Variants in FRMD3 observed in about 807,000 individuals in gnomAD.
The protein encoded by FRMD3 is FERM domain-containing protein 3.
FRMD3 carries 33 observed loss-of-function variants against 70.2 expected under a neutral mutation model. The observed-to-expected ratio is 0.47, with a 90% CI of 0.36 to 0.63. The LOEUF (loss-of-function observed/expected upper bound fraction) is 0.63, where lower values mean the gene tolerates loss of function less well. FRMD3 is among the 20% of genes least tolerant of loss of function. FRMD3 has a pLI of 0.00. For synonymous variants in FRMD3, 279 were observed against 255.9 expected, an observed-to-expected ratio of 1.09 and a Z score of -0.86; for missense variants, 632 against 711.4, an observed-to-expected ratio of 0.89 and a Z score of 1.27.
At chr9:83,543,597 C>T in the FRMD3 span, among the ~76,000 whole-genome samples, 1 of 152,154 alleles carries the variant, frequency 6.6e-6, no homozygotes, top group Non-Finnish European at 1.5e-5. Context: ...AGACATCCCT[C>T]AGCACCCACT....
At chr9:83,352,846 A>G (rs559480645) in intron 3 of FRMD3, among the ~76,000 whole-genome samples, 5 of 152,230 alleles carry the variant, frequency 3.3e-5, no homozygotes, top group African/African-American at 1.2e-4. Context: ...TGAGTTTACA[A>G]TAGGCCCACA....
intron 1 of FRMD3, among the ~76,000 whole-genome samples, chr9:83,517,732 T>C (rs531367551): frequency 6.6e-6 from 1 of 152,028 alleles, no homozygotes; most frequent in African/African-American, 2.4e-5. Context: ...GATGCGAAAA[T>C]CCTCAATAAA....
chr9:83,349,999 A>G (rs919964490), intron 3 of FRMD3, among the ~76,000 whole-genome samples: 1 of 152,226 alleles, frequency 6.6e-6, no homozygotes, highest in African/African-American at 2.4e-5. Context: ...CAACCCAGTC[A>G]GTGAGCTCAT....
At chr9:83,392,837 A>G (rs148426750) in intron 1 of FRMD3, among the ~76,000 whole-genome samples, 1 of 152,324 alleles carries the variant, frequency 6.6e-6, no homozygotes, top group African/African-American at 2.4e-5. Context: ...GATTTCAAGT[A>G]AAAGGATTTC....
the FRMD3 span, among the ~76,000 whole-genome samples, chr9:83,544,313 T>C: frequency 6.6e-6 from 1 of 152,096 alleles, no homozygotes; most frequent in African/African-American, 2.4e-5. Context: ...GAGGAGACCT[T>C]TGTGCATTTC....
chr9:83,560,792 G>C, the FRMD3 span, among the ~76,000 whole-genome samples: 1 of 152,130 alleles, frequency 6.6e-6, no homozygotes, highest in Non-Finnish European at 1.5e-5. Flanking sequence ...TGCCTCTTCT[G>C]TCTTCCCATT....
chr9:83,431,575 G>T (rs761504477), intron 1 of FRMD3, among the ~76,000 whole-genome samples: 1 of 149,908 alleles, frequency 6.7e-6, no homozygotes, highest in Non-Finnish European at 1.5e-5. Context: ...TAAGTTTAGC[G>T]TTTTTTTTTA....
chr9:83,554,923 C>A, the FRMD3 span, among the ~76,000 whole-genome samples: 3 of 152,130 alleles, frequency 2.0e-5, no homozygotes, highest in Non-Finnish European at 2.9e-5. Flanking sequence ...CTGGGATTTT[C>A]TAGAACCTCG....
Position 83,244,860 on chromosome 9 carries a change from A to G in FRMD3, c.*3058T>C. The G allele has an allele frequency of 4.1e-6, 4 of 984,496 alleles. No homozygotes were observed. The South Asian group carries it at 1.4e-4, about 35-fold the overall frequency. The allele number at this position is 984,496 out of a possible 1,614,324, so 61.0% of individuals were successfully genotyped here. A position where few individuals can be genotyped will look rare whatever the true frequency, so the allele number is the denominator to read the frequency against. On this transcript the variant is annotated 3_prime_UTR_variant, in exon 14 of 14. Transcript: ENST00000304195. The stretch of plus-strand genomic sequence containing the variant: ...TATTCCAAATACATAACATTTTACA[A>G]TATTTTTCAAGCACAGACAAATACA...
intron 2 of FRMD3, among the ~76,000 whole-genome samples, chr9:83,381,730 C>T (rs1825363063): frequency 6.6e-6 from 1 of 152,018 alleles, no homozygotes; most frequent in Non-Finnish European, 1.5e-5. Context: ...TAAAAAAAAG[C>T]ATTTGTGTCC....
intron 3 of FRMD3, among the ~76,000 whole-genome samples, chr9:83,361,406 T>C (rs1204565420): frequency 6.6e-6 from 1 of 152,132 alleles, no homozygotes; most frequent in East Asian, 1.9e-4. Context: ...GACAAGTAGG[T>C]TATACGAATG....
chr9:83,312,094 T>C, intron 7 of FRMD3, 119 bp from the exon 8 acceptor site: 3 of 723,356 alleles, frequency 4.1e-6, no homozygotes, highest in South Asian at 1.9e-5. Context: ...ATCCCAATGA[T>C]TGTAGCAATA....
At chr9:83,315,183 A>G (rs1835517975) in intron 6 of FRMD3, among the ~76,000 whole-genome samples, 1 of 152,082 alleles carries the variant, frequency 6.6e-6, no homozygotes, top group East Asian at 1.9e-4. Flanking sequence ...CTTCATTTCT[A>G]TTAAGGTCCA....
Position 83,512,305 on chromosome 9 carries a change from G to T in FRMD3, c.147+25780C>A, listed in dbSNP as rs796173075. On this transcript the variant is annotated intron_variant, in intron 1 of 13. Transcript: ENST00000304195. The stretch of plus-strand genomic sequence containing the variant: ...CTGGGGATATTCTAGACACTGGGGT[G>T]CAGGAACATCCCTGCCTTCATGGAG... Among the ~76,000 whole-genome samples the T allele has an allele frequency of 3.5e-4, 53 of 152,292 alleles. 1 individual carries two copies. The highest frequency in any genetic ancestry group is 1.2e-3 in the African/African-American group (51 of 41,548).
chr9:83,371,530 T>C (rs546196222), intron 3 of FRMD3, among the ~76,000 whole-genome samples: 33 of 152,332 alleles, frequency 2.2e-4, no homozygotes, highest in African/African-American at 7.5e-4. Flanking sequence ...TTGGCCAGGA[T>C]GGTCTCAATC....
chr9:83,333,771 G>A (rs1823475786), intron 6 of FRMD3, among the ~76,000 whole-genome samples: 1 of 152,134 alleles, frequency 6.6e-6, no homozygotes, highest in Non-Finnish European at 1.5e-5. Context: ...AGGGAGAAGA[G>A]CATGGGCATA....
chr9:83,548,902 G>A, the FRMD3 span, among the ~76,000 whole-genome samples: 1 of 152,068 alleles, frequency 6.6e-6, no homozygotes, highest in South Asian at 2.1e-4. Context: ...ATAGTCTATT[G>A]TCTGGTCTGA....
At chr9:83,285,737 C>T (rs1474400322) in intron 13 of FRMD3, among the ~76,000 whole-genome samples, 2 of 152,210 alleles carry the variant, frequency 1.3e-5, no homozygotes, top group African/African-American at 4.8e-5. Flanking sequence ...CTATGGGGAA[C>T]CTGCTCCATT....
the FRMD3 span, among the ~76,000 whole-genome samples, chr9:83,558,979 C>G: frequency 6.6e-6 from 1 of 152,152 alleles, no homozygotes; most frequent in South Asian, 2.1e-4. Flanking sequence ...AGATGAGCAA[C>G]AACAACAAGA....
Sources: gnomAD v4.1 joint callset for allele counts (sites outside exome capture counted in the v4.1 genomes callset) on GRCh38, gnomAD v4.1.1 for gene constraint, MANE v1.5 for transcripts, NCBI Gene and HGNC (gene_info 2026-07-23, HGNC 2026-07-21) for gene names.